Variants in KAZN observed in about 807,000 individuals in gnomAD.
KAZN encodes kazrin.
A neutral mutation model predicts 87.4 loss-of-function variants in KAZN; 40 were observed. That is an observed-to-expected ratio of 0.46 (90% CI 0.36 to 0.60). The LOEUF (loss-of-function observed/expected upper bound fraction) is 0.60. Ranked by LOEUF, KAZN falls within the 20% of genes least tolerant of loss-of-function variation. KAZN has a pLI of 0.00. For missense variants in KAZN, 898 were observed against 1,073.9 expected, an observed-to-expected ratio of 0.84 and a Z score of 2.29; for synonymous variants, 466 against 458.3, an observed-to-expected ratio of 1.02 and a Z score of -0.22.
chr1:14,322,218 G>C (rs1656094736), intron 2 of KAZN, among the ~76,000 whole-genome samples: 1 of 152,050 alleles, frequency 6.6e-6, no homozygotes, highest in Admixed American at 6.6e-5. Flanking sequence ...TTGAGCCTAG[G>C]AGTTTGTGTC....
At chr1:14,806,793 T>C (rs1646236887) in intron 1 of KAZN, among the ~76,000 whole-genome samples, 1 of 152,220 alleles carries the variant, frequency 6.6e-6, no homozygotes, top group Non-Finnish European at 1.5e-5. Context: ...TTGGAGCCAC[T>C]GGACTGAGAT....
At chr1:14,012,816 G>C (rs528971649) in intron 1 of KAZN, among the ~76,000 whole-genome samples, 2 of 152,284 alleles carry the variant, frequency 1.3e-5, no homozygotes, top group South Asian at 4.1e-4. Context: ...ATGGCAAAGA[G>C]AGAACCTGTC....
chr1:14,984,808 C>T (rs986080225), intron 2 of KAZN, among the ~76,000 whole-genome samples: 1 of 151,996 alleles, frequency 6.6e-6, no homozygotes, highest in Non-Finnish European at 1.5e-5. Context: ...CTCCTGCTGG[C>T]AAAGATGGGA....
intron 1 of KAZN, among the ~76,000 whole-genome samples, chr1:14,798,431 T>A (rs1317000607): frequency 7.8e-6 from 1 of 128,966 alleles, no homozygotes; most frequent in Non-Finnish European, 1.6e-5. Context: ...TTTTTTTTTT[T>A]TTTTTTTTTT....
At chr1:14,205,884 C>CAAAAAAAAAAAAAAAAAAAAAAAAAAAAA (rs70997121) in intron 2 of KAZN, among the ~76,000 whole-genome samples, 4 of 35,220 alleles carry the variant, frequency 1.1e-4, no homozygotes, top group Non-Finnish European at 1.3e-4. Context: ...GACACTGTCT[C>CAAAAAAAAAAAAAAAAAAAAAAAAAAAAA]AAAAAAAAAA....
At position 15,066,756 on chromosome 1, in the gene KAZN, A is replaced by G. The variant is rs1169801940; in HGVS notation, c.1222+1003A>G. On this transcript the variant is annotated intron_variant, in intron 8 of 14. Coordinates refer to ENST00000376030, the MANE Select transcript of KAZN (RefSeq NM_201628.3). The surrounding 1 kb of genome is among the most constrained non-coding windows in gnomAD (Gnocchi z 4.3). ...CTGTGCAAAGTAGTTTAGGGTGGCC[A>G]GAACCCAGGGACCATTGGATTTCAA... is the stretch of plus-strand genomic sequence containing the variant. 1.0e-6 allele frequency: 1 copy of G among 985,312 alleles called. No homozygotes were observed. Among genetic ancestry groups the G allele is most frequent in the Admixed American group, 6.1e-5 (1 of 16,264 alleles). The allele number at this position is 985,312 out of a possible 1,614,324, so 61.0% of individuals were successfully genotyped here. A position where few individuals can be genotyped will look rare whatever the true frequency, so the allele number is the denominator to read the frequency against.
At chr1:15,042,489 G>C (rs1673021527) in intron 3 of KAZN, among the ~76,000 whole-genome samples, 1 of 152,196 alleles carries the variant, frequency 6.6e-6, no homozygotes, top group South Asian at 2.1e-4. Flanking sequence ...GCAGGGATCT[G>C]AGTGAGGCGA....
intron 1 of KAZN, among the ~76,000 whole-genome samples, chr1:13,940,754 C>T (rs1640899130): frequency 6.6e-6 from 1 of 152,158 alleles, no homozygotes; most frequent in African/African-American, 2.4e-5. Context: ...ATTTCTGCTG[C>T]TACCCTTACT....
intron 1 of KAZN, among the ~76,000 whole-genome samples, chr1:13,900,687 T>C (rs1301733210): frequency 6.6e-6 from 1 of 152,184 alleles, no homozygotes; most frequent in African/African-American, 2.4e-5. Flanking sequence ...GCTCCATGGC[T>C]TGGGTTCAAA....
At chr1:14,920,061 G>T (rs151267580) in intron 1 of KAZN, among the ~76,000 whole-genome samples, 32 of 152,186 alleles carry the variant, frequency 2.1e-4, no homozygotes, top group Non-Finnish European at 3.2e-4. Context: ...GCCAAATTGG[G>T]GGTGGGGGAA....
chr1:14,328,438 T>C (rs1305475340), intron 2 of KAZN, among the ~76,000 whole-genome samples: 1 of 152,162 alleles, frequency 6.6e-6, no homozygotes, highest in African/African-American at 2.4e-5. Flanking sequence ...GCATGGTGGC[T>C]GACGCCTGTA....
At chr1:14,272,048 C>G (rs779308238) in intron 2 of KAZN, among the ~76,000 whole-genome samples, 1 of 152,200 alleles carries the variant, frequency 6.6e-6, no homozygotes, top group Non-Finnish European at 1.5e-5. Context: ...TTTGGTGACA[C>G]GAAGCACCTA....
chr1:14,749,168 G>A (rs550777067), intron 1 of KAZN, among the ~76,000 whole-genome samples: 2 of 152,098 alleles, frequency 1.3e-5, no homozygotes, highest in Non-Finnish European at 2.9e-5. Context: ...ATTGATCCCA[G>A]AACTCACATC....
chr1:15,076,377 CG>C (rs1557781903), intron 8 of KAZN, among the ~76,000 whole-genome samples: 2 of 152,232 alleles, frequency 1.3e-5, no homozygotes, highest in Admixed American at 1.3e-4. Context: ...GGAAAGGCCT[CG>C]GCTTCGGAGC....
chr1:14,789,760 C>CAAAAAAAAAAAAAA (rs3032757), intron 1 of KAZN, among the ~76,000 whole-genome samples: 1 of 46,252 alleles, frequency 2.2e-5, no homozygotes, highest in African/African-American at 8.3e-5. Flanking sequence ...TCCTCATTAC[C>CAAAAAAAAAAAAAA]AAAAAAAAAA....
chr1:14,050,795 G>A (rs545492833), intron 1 of KAZN, among the ~76,000 whole-genome samples: 13 of 152,106 alleles, frequency 8.5e-5, no homozygotes, highest in South Asian at 2.1e-4. Flanking sequence ...CTGAGGACCC[G>A]GCCCATCCTC....
intron 2 of KAZN, among the ~76,000 whole-genome samples, chr1:14,543,916 C>T (rs562028568): frequency 2.0e-5 from 3 of 152,310 alleles, no homozygotes; most frequent in Admixed American, 2.0e-4. Flanking sequence ...TTGTAGGTTT[C>T]TACTCATCTT....
chr1:14,456,792 A>C (rs918967051), intron 2 of KAZN, among the ~76,000 whole-genome samples: 24 of 152,184 alleles, frequency 1.6e-4, no homozygotes, highest in Admixed American at 2.6e-4. Context: ...GGTCAAAAAA[A>C]TATGCAGCCG....
At chr1:15,038,797 C>T (rs12139258) in intron 3 of KAZN, among the ~76,000 whole-genome samples, 1,374 of 85,350 alleles carry the variant, frequency 0.016, 40 homozygotes, top group African/African-American at 0.032. Context: ...CTATTACCAA[C>T]AGCAGACATT....
Sources: gnomAD v4.1 joint callset for allele counts (sites outside exome capture counted in the v4.1 genomes callset) on GRCh38, gnomAD v4.1.1 for gene constraint, Gnocchi (gnomAD v3.1) non-coding constraint, MANE v1.5 for transcripts, NCBI Gene and HGNC (gene_info 2026-07-23, HGNC 2026-07-21) for gene names.